POM121: variants seen among roughly 807,000 people sequenced by gnomAD.
POM121 encodes POM121 transmembrane nucleoporin, also known as nuclear envelope pore membrane protein POM 121.
In POM121, 32 loss-of-function variants were observed where a neutral mutation model predicts 81.3. The ratio of observed to expected loss-of-function variants is 0.39; its 90% CI spans 0.30 to 0.53. POM121 has a LOEUF of 0.53. POM121 is among the 20% of genes least tolerant of loss of function. POM121 has a pLI of 0.66. For missense variants in POM121, 1,138 were observed against 1,614.6 expected (o/e 0.70, Z 5.06); for synonymous variants, 514 against 694.2 (o/e 0.74, Z 4.08).
rs782804137 is a variant in POM121 at position 72,926,285 on chromosome 7, G to C, written c.668G>C (p.Arg223Pro). ...SPRDCGTLPN[R>P]FVITPRRRYP... Reference sequence around the variant, plus strand: ...AGGGATTGTGGGACTTTACCAAATCGGTTTGTAATAACACCTAGAAGACGC... The same window carrying C: ...AGGGATTGTGGGACTTTACCAAATCCGTTTGTAATAACACCTAGAAGACGC... The change falls in exon 2 of 13, where the codon CGG becomes CCG. Residue 223 changes from arginine to proline, a missense_variant. Arg to Pro is a moderately radical substitution (Grantham distance 103, BLOSUM62 -2). This residue lies in a region of POM121 where 646 missense variants were observed against 633.5 expected (regional missense o/e 1.02). Transcript: ENST00000434423. The C allele has an allele frequency of 8.9e-6, 14 of 1,568,512 alleles. No homozygotes were observed. Among genetic ancestry groups the C allele is most frequent in the Non-Finnish European group, 1.2e-5 (14 of 1,156,146 alleles).
chr7:72,926,385 G>A lies in POM121; in HGVS notation c.768G>A (p.Lys256=). The change falls in exon 2 of 13, where the codon AAG becomes AAA. Residue 256 remains lysine, a synonymous_variant. Transcript: ENST00000434423. The part of the protein sequence containing the change: ...PTVCWNGYHK[K]AVLSPRNSRM... ...TGTGCTGGAATGGTTATCACAAGAA[G>A]GCTGTGCTGTCCCCTCGCAACTCCA... 6.2e-7 allele frequency: 1 copy of A among 1,613,976 alleles called. No homozygotes were observed. The highest frequency in any genetic ancestry group is 8.5e-7 in the Non-Finnish European group (1 of 1,179,868).
At chr7:72,949,964 G>A (rs781893431), downstream of POM121, 25 of 1,610,352 alleles carry the variant, frequency 1.6e-5, no homozygotes, top group South Asian at 1.1e-4. Flanking sequence ...CAGCTGGCCT[G>A]GCAGGCAGAA....
chr7:72,915,592 C>A (rs1166467397), intron 4 of POM121, among the ~76,000 whole-genome samples: 1 of 152,136 alleles, frequency 6.6e-6, no homozygotes, highest in Non-Finnish European at 1.5e-5. Context: ...CCAGGCTGGT[C>A]TTGAACTCCT....
At chr7:72,928,252 A>G in intron 3 of POM121, 133 bp from the exon 4 acceptor site, 2 of 1,305,898 alleles carry the variant, frequency 1.5e-6, no homozygotes, top group Non-Finnish European at 2.1e-6. Flanking sequence ...GGGATTTTAA[A>G]CAACCATTTT....
At chr7:72,888,953 A>G (rs1483605243) in intron 1 of POM121, among the ~76,000 whole-genome samples, 2 of 152,112 alleles carry the variant, frequency 1.3e-5, no homozygotes, top group African/African-American at 4.8e-5. Flanking sequence ...GGCTTATCAT[A>G]TTAATAGATT....
At chr7:72,908,464 G>C (rs1793490249) in intron 3 of POM121, among the ~76,000 whole-genome samples, 1 of 152,140 alleles carries the variant, frequency 6.6e-6, no homozygotes, top group Non-Finnish European at 1.5e-5. Flanking sequence ...CAGGACCAGG[G>C]CAAAATTAAA....
chr7:72,921,320 C>G (rs1554495970), upstream of POM121, among the ~76,000 whole-genome samples: 1 of 152,222 alleles, frequency 6.6e-6, no homozygotes, highest in African/African-American at 2.4e-5. Flanking sequence ...TGAAATTACC[C>G]ATCACTCCAG....
intron 5 of POM121, among the ~76,000 whole-genome samples, chr7:72,934,051 T>C (rs1440699780): frequency 2.0e-5 from 3 of 152,106 alleles, no homozygotes; most frequent in Middle Eastern, 3.2e-3. Flanking sequence ...ATTACTGAGA[T>C]AAAAAGGAAA....
chr7:72,897,958 G>A (rs1554491970), intron 3 of POM121, among the ~76,000 whole-genome samples: 2 of 152,184 alleles, frequency 1.3e-5, no homozygotes, highest in South Asian at 4.1e-4. Flanking sequence ...AGTCATGGCT[G>A]CAGTGAGCTG....
At chr7:72,925,062 G>A, upstream of POM121, 5 of 1,355,858 alleles carry the variant, frequency 3.7e-6, no homozygotes, top group Non-Finnish European at 4.7e-6. Context: ...GCGCGATGAC[G>A]CGACGCGCGG....
chr7:72,889,951 G>A lies in POM121; in HGVS notation c.-520-676G>A, dbSNP rs1330800815. On this transcript the variant is annotated intron_variant, in intron 1 of 15. Transcript: ENST00000395270. The stretch of plus-strand genomic sequence containing the variant: ...ACTTCAAGTTAACTGAGTCTGTGAA[G>A]CCTAATCTGATGGCATAAAGTTAAA... Among the ~76,000 whole-genome samples, 5 of 152,170 alleles carry A rather than the reference G, an allele frequency of 3.3e-5. No homozygotes were observed. The South Asian group carries it at 1.0e-3, about 31-fold the overall frequency.
At chr7:72,919,661 T>G (rs192461037) in intron 4 of POM121, among the ~76,000 whole-genome samples, 12 of 152,244 alleles carry the variant, frequency 7.9e-5, no homozygotes, top group Admixed American at 7.8e-4. Context: ...TTTGTATTTT[T>G]TTTAGAGACA....
At chr7:72,898,674 T>C (rs1792218346) in intron 3 of POM121, among the ~76,000 whole-genome samples, 1 of 151,484 alleles carries the variant, frequency 6.6e-6, no homozygotes, top group Non-Finnish European at 1.5e-5. Context: ...GGTGGGCGCC[T>C]GTAATCCCAG....
chr7:72,923,956 C>CT (rs1795094702), upstream of POM121, among the ~76,000 whole-genome samples: 2 of 130,474 alleles, frequency 1.5e-5, no homozygotes, highest in African/African-American at 2.9e-5. Flanking sequence ...ATTTTTTTTT[C>CT]TTTTTTTGAG....
At chr7:72,913,135 G>C (rs782797802) in intron 3 of POM121, among the ~76,000 whole-genome samples, 2 of 152,194 alleles carry the variant, frequency 1.3e-5, no homozygotes, top group East Asian at 3.8e-4. Flanking sequence ...CCAGCAGCTC[G>C]AGACCATTCA....
intron 4 of POM121, among the ~76,000 whole-genome samples, chr7:72,917,988 G>C (rs1794450129): frequency 6.6e-6 from 1 of 151,994 alleles, no homozygotes; most frequent in Non-Finnish European, 1.5e-5. Flanking sequence ...AGAGAGAGAG[G>C]AGACAAAGAG....
At chr7:72,901,499 C>T (rs868911042) in intron 3 of POM121, among the ~76,000 whole-genome samples, 7 of 151,790 alleles carry the variant, frequency 4.6e-5, no homozygotes, top group African/African-American at 9.7e-5. Context: ...GGATTACAGG[C>T]GCCCGCCACC....
At chr7:72,889,388 T>C (rs1298468350) in intron 1 of POM121, among the ~76,000 whole-genome samples, 25 of 152,260 alleles carry the variant, frequency 1.6e-4, no homozygotes, top group Non-Finnish European at 3.5e-4. Context: ...AACATGCTTA[T>C]TGGGCACTTC....
intron 2 of POM121, 96 bp from the exon 3 acceptor site, chr7:72,926,706 C>T: frequency 1.3e-6 from 2 of 1,530,030 alleles, no homozygotes; most frequent in Non-Finnish European, 1.8e-6. Flanking sequence ...ATACTTTGGC[C>T]TGTTGGTTAG....
Sources: allele counts gnomAD v4.1 joint callset (sites outside exome capture counted in the v4.1 genomes callset), GRCh38; gene constraint gnomAD v4.1.1; regional missense constraint gnomAD v4.1.1; transcripts MANE v1.5; gene names NCBI Gene and HGNC (gene_info 2026-07-23, HGNC 2026-07-21).